The following BRCA1 variants were observed in gnomAD, a reference collection of about 807,000 sequenced individuals.
BRCA1 encodes the protein breast cancer type 1 susceptibility protein.
BRCA1 carries 140 observed loss-of-function variants against 173.7 expected under a neutral mutation model. The observed-to-expected ratio is 0.81, with a 90% CI of 0.70 to 0.93. BRCA1 has a LOEUF of 0.93. Among genes scored for constraint, BRCA1 ranks in the 40% least tolerant of loss-of-function variants. The pLI, the probability that BRCA1 is intolerant of heterozygous loss-of-function variation, is 0.00. For synonymous variants in BRCA1, 662 were observed against 756.0 expected (o/e 0.88, Z 2.04); for missense variants, 1,983 against 2,172.5 (o/e 0.91, Z 1.73).
At chr17:43,145,086 A>C in intron 1 of BRCA1, 1 of 801,604 alleles carries the variant, frequency 1.2e-6, no homozygotes, top group Non-Finnish European at 2.2e-6. Context: ...GCGAAGGATA[A>C]ATTTTCAGAC....
chr17:43,143,707 T>C (rs1220836558), intron 1 of BRCA1, among the ~76,000 whole-genome samples: 1 of 152,184 alleles, frequency 6.6e-6, no homozygotes, highest in Non-Finnish European at 1.5e-5. Context: ...GCTGCCGTTA[T>C]GGAACAGTGC....
chr17:43,119,075 G>A (rs565120256), intron 2 of BRCA1: 17 of 214,226 alleles, frequency 7.9e-5, no homozygotes, highest in Middle Eastern at 1.4e-3. Flanking sequence ...TTTTTGAAAC[G>A]GATTTTTTGG....
chr17:43,058,379 AACACAC>A (rs745316469), intron 18 of BRCA1, among the ~76,000 whole-genome samples: 6 of 150,076 alleles, frequency 4.0e-5, no homozygotes, highest in East Asian at 3.9e-4. Context: ...GCTAAAAAAA[AACACAC>A]ACACACACAC....
Position 43,110,340 on chromosome 17 carries a change from A to G in BRCA1, c.135-3807T>C, listed in dbSNP as rs111615606. On this transcript the variant is annotated intron_variant, in intron 3 of 22. Coordinates refer to ENST00000357654, the MANE Select transcript of BRCA1 (RefSeq NM_007294.4). ...GATGACTCACACCTGTAATCCTAGC[A>G]CTTTGGGATGCCTAGGTGGGCAGAC... is the stretch of plus-strand genomic sequence containing the variant. 5.0e-3 allele frequency: 1,057 copies of G among 209,458 alleles called. 10 individuals carry two copies. The highest frequency in any genetic ancestry group is 0.022 in the African/African-American group (968 of 43,802). The allele number at this position is 209,458 out of a possible 1,614,324, so 13.0% of individuals were successfully genotyped here.
rs2154419638 is a variant in BRCA1 at position 43,093,710 on chromosome 17, T to C, written c.1821A>G (p.Lys607=). The change falls in exon 10 of 23, where the codon AAA becomes AAG. Residue 607 remains lysine, a synonymous_variant. Coordinates refer to ENST00000357654, the MANE Select transcript of BRCA1 (RefSeq NM_007294.4). ...ELNIHNSKAP[K]KNRLRRKSST... ...AAGACTTCCTCCTCAGCCTATTCTT[T>C]TTAGGTGCTTTTGAATTGTGGATAT... The C allele has an allele frequency of 6.2e-7, 1 of 1,614,128 alleles. No homozygotes were observed. The highest frequency in any genetic ancestry group is 1.6e-4 in the Middle Eastern group (1 of 6,062).
chr17:43,117,298 C>T lies in BRCA1; in HGVS notation c.81-1519G>A, dbSNP rs138795459. Among the ~76,000 whole-genome samples, 99 of 152,112 alleles carry T rather than the reference C, an allele frequency of 6.5e-4. No individual in the cohort carries two copies. Among genetic ancestry groups the T allele is most frequent in the African/African-American group, 2.2e-3 (91 of 41,490 alleles). ...CTACGCTAAAAATACAAAAATTAGC[C>T]GGGCGTGGTGGCGCATGCCTGTGGT... On this transcript the variant is annotated intron_variant, in intron 2 of 22. Coordinates refer to ENST00000357654, the MANE Select transcript of BRCA1 (RefSeq NM_007294.4).
At chr17:43,108,433 G>A (rs546346507) in intron 3 of BRCA1, among the ~76,000 whole-genome samples, 3 of 151,552 alleles carry the variant, frequency 2.0e-5, no homozygotes, top group East Asian at 1.9e-4. Flanking sequence ...TCTCTTGGCC[G>A]GGTGCAGTGG....
chr17:43,127,761 A>G (rs1174366266), upstream of BRCA1, among the ~76,000 whole-genome samples: 4 of 152,172 alleles, frequency 2.6e-5, no homozygotes, highest in East Asian at 7.7e-4. Flanking sequence ...CCAGTGGCTC[A>G]CACCTGTAAT....
At chr17:43,103,081 C>A (rs1414627917) in intron 6 of BRCA1, among the ~76,000 whole-genome samples, 1 of 152,068 alleles carries the variant, frequency 6.6e-6, no homozygotes, top group Non-Finnish European at 1.5e-5. Context: ...GAAGTAATTT[C>A]CAAATGCTTA....
chr17:43,103,336 G>A (rs760923929), intron 6 of BRCA1, among the ~76,000 whole-genome samples: 2 of 151,890 alleles, frequency 1.3e-5, no homozygotes, highest in African/African-American at 4.8e-5. Context: ...GTCTGGTGTC[G>A]TACCCCTGTA....
chr17:43,102,615 A>C (rs2054539030), intron 6 of BRCA1, among the ~76,000 whole-genome samples: 1 of 151,152 alleles, frequency 6.6e-6, no homozygotes. Flanking sequence ...TCAGCCTCCC[A>C]AGGTGCTGGG....
chr17:43,138,855 G>C (rs771286027), intron 1 of BRCA1: 39 of 778,746 alleles, frequency 5.0e-5, no homozygotes, highest in Admixed American at 1.2e-4. Flanking sequence ...GGACCGTGGG[G>C]CTGCAAGGAC....
chr17:43,091,901 C>G lies in BRCA1; in HGVS notation c.3630G>C (p.Glu1210Asp), dbSNP rs1188253884. Residue 1210 changes from glutamate (E) to aspartate (D), a missense_variant, in exon 10 of 23, where the codon GAG (glutamate) becomes GAC (aspartate). Coordinates refer to ENST00000357654, the MANE Select transcript of BRCA1 (RefSeq NM_007294.4). ...QGYRRGAKKL[E>D]SSEENLSSED... is the part of the protein sequence containing the mutation. ...CACTAGATAAGTTCTCTTCTGAGGA[C>G]TCTAATTTCTTGGCCCCTCTTCGGT... 1 of 1,614,136 alleles carries G rather than the reference C, an allele frequency of 6.2e-7. No individual in the cohort carries two copies.
At position 43,071,037 on chromosome 17, in the gene BRCA1, T is replaced by C; in HGVS notation, c.4877A>G (p.Asn1626Ser). 1 of 1,614,234 alleles carries C rather than the reference T, an allele frequency of 6.2e-7. No homozygotes were observed. Among genetic ancestry groups the C allele is most frequent in the Non-Finnish European group, 8.5e-7 (1 of 1,180,038 alleles). Residue 1626 changes from asparagine (N) to serine (S), a missense_variant, in exon 15 of 23, where the codon AAT (asparagine) becomes AGT (serine). Asn to Ser is a conservative substitution (Grantham distance 46). Transcript: ENST00000357654. ...AAHTTDTAGY[N>S]AMEESVSREK... Reference sequence around the variant, plus strand: ...CCTGCTCACACTTTCTTCCATTGCATTATACCCAGCAGTATCAGTAGTATG... The same window carrying C: ...CCTGCTCACACTTTCTTCCATTGCACTATACCCAGCAGTATCAGTAGTATG...
chr17:43,065,776 T>G (rs1269378958), intron 16 of BRCA1, among the ~76,000 whole-genome samples: 1 of 152,242 alleles, frequency 6.6e-6, no homozygotes, highest in African/African-American at 2.4e-5. Context: ...AATCTGCATC[T>G]TCTGCGTCCT....
chr17:43,167,367 C>T (rs576377301), intron 1 of BRCA1: 14 of 152,300 alleles, frequency 9.2e-5, no homozygotes, highest in Admixed American at 3.3e-4. Context: ...ATTCCTGTCC[C>T]TTTTAAGGGC....
At chr17:43,168,537 G>A (rs750325977) in intron 1 of BRCA1, among the ~76,000 whole-genome samples, 41 of 152,202 alleles carry the variant, frequency 2.7e-4, no homozygotes, top group Non-Finnish European at 5.3e-4. Flanking sequence ...CTACTCGGGA[G>A]CTGAGGCAGG....
chr17:43,060,943 T>C (rs2051722116), intron 18 of BRCA1, among the ~76,000 whole-genome samples: 1 of 151,964 alleles, frequency 6.6e-6, no homozygotes, highest in African/African-American at 2.4e-5. Context: ...CTGACCAACG[T>C]GGTAAAACCC....
At chr17:43,087,586 C>T (rs1022655765) in intron 11 of BRCA1, among the ~76,000 whole-genome samples, 14 of 150,306 alleles carry the variant, frequency 9.3e-5, no homozygotes, top group Admixed American at 6.0e-4. Flanking sequence ...CGCATGAACC[C>T]GGGAGGCAGA....
Sources: gnomAD v4.1 joint callset for allele counts (sites outside exome capture counted in the v4.1 genomes callset) on GRCh38, gnomAD v4.1.1 for gene constraint, MANE v1.5 for transcripts, NCBI Gene and HGNC (gene_info 2026-07-23, HGNC 2026-07-21) for gene names.